ARHGEF3: variants seen among roughly 807,000 people sequenced by gnomAD.
ARHGEF3 encodes 59.8 kDA protein.
A neutral mutation model predicts 63.2 loss-of-function variants in ARHGEF3; 28 were observed. The ratio of observed to expected loss-of-function variants is 0.44; its 90% CI spans 0.33 to 0.61. ARHGEF3 has a LOEUF of 0.61. Among genes scored for constraint, ARHGEF3 ranks in the 20% least tolerant of loss-of-function variants. ARHGEF3 has a pLI of 0.03. For missense variants in ARHGEF3, 533 were observed against 659.3 expected (o/e 0.81, Z 2.10); for synonymous variants, 266 against 254.2 (o/e 1.05, Z -0.44).
chr3:56,985,628 T>G (rs1226956301), intron 2 of ARHGEF3, among the ~76,000 whole-genome samples: 1 of 152,080 alleles, frequency 6.6e-6, no homozygotes, highest in African/African-American at 2.4e-5. Flanking sequence ...TAAAGACAGA[T>G]AGGGAAACTG....
At chr3:56,794,488 CAAAA>C (rs10557985) in intron 1 of ARHGEF3, among the ~76,000 whole-genome samples, 210 of 116,900 alleles carry the variant, frequency 1.8e-3, no homozygotes, top group African/African-American at 6.0e-3. Flanking sequence ...GACTCTATCT[CAAAA>C]AAAAAAAAAA....
intron 4 of ARHGEF3, among the ~76,000 whole-genome samples, chr3:56,840,034 C>T (rs976893178): frequency 6.6e-6 from 1 of 152,154 alleles, no homozygotes; most frequent in African/African-American, 2.4e-5. Flanking sequence ...CATTTTCCTT[C>T]AAGTTACTAA....
chr3:56,756,887 C>T (rs933988674), intron 2 of ARHGEF3, among the ~76,000 whole-genome samples: 1 of 152,142 alleles, frequency 6.6e-6, no homozygotes, highest in Admixed American at 6.5e-5. Context: ...GGATGTAACT[C>T]AAACAGCACC....
At chr3:56,843,199 T>G (rs1345652514) in intron 4 of ARHGEF3, among the ~76,000 whole-genome samples, 1 of 152,174 alleles carries the variant, frequency 6.6e-6, no homozygotes, top group Non-Finnish European at 1.5e-5. Flanking sequence ...AGCAGAATTG[T>G]TCTGTGGTGG....
chr3:56,835,260 C>CT (rs780566664), intron 4 of ARHGEF3, among the ~76,000 whole-genome samples: 2 of 151,964 alleles, frequency 1.3e-5, no homozygotes, highest in Non-Finnish European at 2.9e-5. Context: ...ACTGCAACCT[C>CT]TGTCTCCTGG....
chr3:57,072,318 T>C (rs9681482), intron 1 of ARHGEF3, among the ~76,000 whole-genome samples: 6,069 of 151,996 alleles, frequency 0.04, 399 homozygotes, highest in African/African-American at 0.14. Context: ...TATTCTTCCC[T>C]GAGGAATGGA....
chr3:56,938,977 T>C (rs1699042863), intron 3 of ARHGEF3: 1 of 152,276 alleles, frequency 6.6e-6, no homozygotes, highest in African/African-American at 2.4e-5. Context: ...AGTGTGTTAA[T>C]GGATCCCATC....
At chr3:57,005,499 C>G in intron 2 of ARHGEF3, among the ~76,000 whole-genome samples, 1 of 152,158 alleles carries the variant, frequency 6.6e-6, no homozygotes, top group East Asian at 1.9e-4. Flanking sequence ...CCAATGAGAA[C>G]TGGATTTTTT....
rs550636603 is a variant in ARHGEF3, at chr3:56,849,635, C to T, written c.192+32657G>A. Among the ~76,000 whole-genome samples, 68 of 150,456 alleles carry T rather than the reference C, an allele frequency of 4.5e-4. 1 individual carries two copies. The Middle Eastern group carries it at 0.014, about 30-fold the overall frequency. ...ATGCTGTTATGCCAACCCTAGTAGC[C>T]CAAAATAGATGGTCCCTCCTCATCT... On this transcript the variant is annotated intron_variant, in intron 4 of 12. Coordinates refer to the ARHGEF3 transcript ENST00000338458.
rs560483957 is a variant in ARHGEF3 at position 56,815,952 on chromosome 3, G to A, written c.193-42136C>T. Among the ~76,000 whole-genome samples the A allele has an allele frequency of 3.9e-5, 6 of 152,258 alleles. 1 individual carries two copies. The South Asian group carries it at 1.2e-3, about 32-fold the overall frequency. ...TGACTGACTGGGCTTGGTGGCTGAT[G>A]TCTATAATCCCAGTACTTTGGGAAG... On this transcript the variant is annotated intron_variant, in intron 4 of 12. Coordinates refer to the ARHGEF3 transcript ENST00000338458.
chr3:56,998,403 C>T (rs574122751), intron 2 of ARHGEF3, among the ~76,000 whole-genome samples: 73 of 145,522 alleles, frequency 5.0e-4, no homozygotes, highest in African/African-American at 1.8e-3. Flanking sequence ...CCCGGTCATC[C>T]TGACTTTTTT....
At chr3:56,818,913 G>C (rs2038366876) in intron 4 of ARHGEF3, among the ~76,000 whole-genome samples, 2 of 152,094 alleles carry the variant, frequency 1.3e-5, no homozygotes, top group African/African-American at 2.4e-5. Flanking sequence ...GAGGAAAGAA[G>C]GTAACGAAAA....
At chr3:56,840,528 G>C (rs957355842) in intron 4 of ARHGEF3, among the ~76,000 whole-genome samples, 7 of 152,146 alleles carry the variant, frequency 4.6e-5, no homozygotes, top group Admixed American at 2.0e-4. Flanking sequence ...TTTACAGACC[G>C]TCTCTCACAG....
At chr3:57,062,155 G>A (rs1478252321) in intron 1 of ARHGEF3, among the ~76,000 whole-genome samples, 1 of 82,858 alleles carries the variant, frequency 1.2e-5, no homozygotes, top group Non-Finnish European at 2.4e-5. Context: ...TTTGTAGGAA[G>A]ATCCCTGGAG....
At chr3:56,811,237 A>G (rs1303505841) in intron 4 of ARHGEF3, among the ~76,000 whole-genome samples, 1 of 152,224 alleles carries the variant, frequency 6.6e-6, no homozygotes, top group Non-Finnish European at 1.5e-5. Context: ...CAAGGTTCCA[A>G]TTTAAAACAT....
chr3:56,931,445 A>G (rs1352020579), intron 3 of ARHGEF3, among the ~76,000 whole-genome samples: 1 of 151,900 alleles, frequency 6.6e-6, no homozygotes, highest in Non-Finnish European at 1.5e-5. Flanking sequence ...GCATGGTGGC[A>G]TGTGCCTGCA....
At chr3:57,047,164 A>T (rs1055581639) in intron 1 of ARHGEF3, among the ~76,000 whole-genome samples, 1 of 152,184 alleles carries the variant, frequency 6.6e-6, no homozygotes, top group African/African-American at 2.4e-5. Context: ...TCTGGCCAAC[A>T]TGGTGAAACC....
At chr3:56,849,855 T>C (rs1384962362) in intron 4 of ARHGEF3, among the ~76,000 whole-genome samples, 1 of 152,168 alleles carries the variant, frequency 6.6e-6, no homozygotes, top group Non-Finnish European at 1.5e-5. Flanking sequence ...CATCTTCCCT[T>C]GTTTTCCCGC....
intron 3 of ARHGEF3, among the ~76,000 whole-genome samples, chr3:56,882,663 C>T (rs1181655347): frequency 6.6e-6 from 1 of 151,716 alleles, no homozygotes; most frequent in Non-Finnish European, 1.5e-5. Flanking sequence ...GGATTATAGG[C>T]ACACGCCACC....
Sources: gnomAD v4.1 joint callset for allele counts (sites outside exome capture counted in the v4.1 genomes callset) on GRCh38, gnomAD v4.1.1 for gene constraint, MANE v1.5 for transcripts, NCBI Gene and HGNC (gene_info 2026-07-23, HGNC 2026-07-21) for gene names.